The following RFX4 variants were observed in gnomAD, a reference collection of about 807,000 sequenced individuals.
The protein encoded by RFX4 is regulatory factor X4.
Under a neutral mutation model 95.0 loss-of-function variants are expected in RFX4, and 10 were observed. The observed-to-expected ratio is 0.11, with a 90% confidence interval of 0.06 to 0.18. RFX4 has a LOEUF of 0.18. Ranked by LOEUF, RFX4 falls within the 10% of genes least tolerant of loss-of-function variation. The pLI, the probability that RFX4 is intolerant of heterozygous loss-of-function variation, is 1.00. For missense variants in RFX4, 640 were observed against 922.0 expected, an observed-to-expected ratio of 0.69 and a Z score of 3.96; for synonymous variants, 321 against 340.7, an observed-to-expected ratio of 0.94 and a Z score of 0.64.
chr12:106,673,260 T>C (rs759919990), intron 4 of RFX4, among the ~76,000 whole-genome samples: 1 of 152,206 alleles, frequency 6.6e-6, no homozygotes, highest in Non-Finnish European at 1.5e-5. Flanking sequence ...GGAGTGTTAA[T>C]AGATATGGAC....
chr12:106,678,275 C>T (rs2041436486), intron 4 of RFX4, among the ~76,000 whole-genome samples: 2 of 152,186 alleles, frequency 1.3e-5, no homozygotes, highest in Admixed American at 1.3e-4. Context: ...TCACCTAGGG[C>T]CAGGCATCAA....
At chr12:106,598,151 A>C (rs1431816846) in intron 1 of RFX4, among the ~76,000 whole-genome samples, 1 of 152,230 alleles carries the variant, frequency 6.6e-6, no homozygotes, top group African/African-American at 2.4e-5. Context: ...CCTAGAATTC[A>C]GAAAATTCAT....
chr12:106,723,458 T>C (rs1402716627), intron 13 of RFX4, among the ~76,000 whole-genome samples: 1 of 152,256 alleles, frequency 6.6e-6, no homozygotes, highest in Non-Finnish European at 1.5e-5. Flanking sequence ...CTCACTGTTA[T>C]GAACATCTGG....
At chr12:106,674,842 T>C (rs1025829878) in intron 4 of RFX4, among the ~76,000 whole-genome samples, 36 of 152,364 alleles carry the variant, frequency 2.4e-4, no homozygotes, top group African/African-American at 8.4e-4. Context: ...AGTGGATATC[T>C]GCTGGTGAAT....
chr12:106,587,121 C>A (rs569070919), intron 1 of RFX4, among the ~76,000 whole-genome samples: 2 of 152,348 alleles, frequency 1.3e-5, no homozygotes, highest in East Asian at 3.9e-4. Context: ...CCCTTGATGG[C>A]GCGGAGGCTG....
At chr12:106,697,464 T>C (rs2041903481) in intron 8 of RFX4, among the ~76,000 whole-genome samples, 1 of 147,618 alleles carries the variant, frequency 6.8e-6, no homozygotes, top group Admixed American at 6.8e-5. Context: ...TTTTTTAACA[T>C]GGTGAAGTGC....
rs1592950804 is a variant in RFX4 at position 106,696,363 on chromosome 12, C to T, written c.750C>T (p.Asn250=). The T allele has an allele frequency of 6.2e-7, 1 of 1,614,160 alleles. No individual in the cohort carries two copies. The highest frequency in any genetic ancestry group is 1.3e-5 in the African/African-American group (1 of 75,046). The stretch of plus-strand genomic sequence containing the variant: ...TGCTGGGCTCCTCCACGGTGGTGAA[C>T]ATTGTCGGCGTGTGTGACTCCATCC... ...LPVLGSSTVV[N]IVGVCDSILY... is the part of the protein sequence containing the mutation. The change falls in exon 8 of 18, where the codon AAC becomes AAT. Residue 250 remains asparagine (N), a synonymous_variant. Coordinates refer to ENST00000392842, the MANE Select transcript of RFX4 (RefSeq NM_213594.3).
At chr12:106,721,486 TAA>T (rs1375201506) in intron 13 of RFX4, among the ~76,000 whole-genome samples, 1 of 152,194 alleles carries the variant, frequency 6.6e-6, no homozygotes, top group Admixed American at 6.5e-5. Context: ...AAGGTACTGA[TAA>T]CAGTCTCTGC....
chr12:106,644,386 G>A (rs1014871344), intron 3 of RFX4, among the ~76,000 whole-genome samples: 5 of 151,830 alleles, frequency 3.3e-5, no homozygotes, highest in East Asian at 1.9e-4. Flanking sequence ...GGCGCGCACC[G>A]CCACATCCAG....
intron 9 of RFX4, among the ~76,000 whole-genome samples, chr12:106,711,242 AT>A (rs1417723228): frequency 6.6e-6 from 1 of 152,146 alleles, no homozygotes; most frequent in East Asian, 1.9e-4. Context: ...TGTACCCCAA[AT>A]GTCACCATTA....
At chr12:106,752,096 T>C (rs1223593154) in intron 17 of RFX4, among the ~76,000 whole-genome samples, 3 of 151,038 alleles carry the variant, frequency 2.0e-5, no homozygotes, top group African/African-American at 7.3e-5. Context: ...CTTTAATCCA[T>C]CTTGAATTGA....
intron 8 of RFX4, among the ~76,000 whole-genome samples, chr12:106,700,444 T>G (rs2041965376): frequency 1.4e-5 from 2 of 146,568 alleles, no homozygotes; most frequent in African/African-American, 2.5e-5. Context: ...TCTCGCTCTG[T>G]CGCCCAGGCT....
intron 17 of RFX4, among the ~76,000 whole-genome samples, chr12:106,753,424 T>C (rs1191257540): frequency 6.6e-6 from 1 of 152,042 alleles, no homozygotes; most frequent in African/African-American, 2.4e-5. Context: ...ACTCCCTGGG[T>C]TTCCTCTCTC....
intron 17 of RFX4, among the ~76,000 whole-genome samples, chr12:106,759,508 G>C (rs1231078272): frequency 1.3e-5 from 2 of 152,134 alleles, no homozygotes; most frequent in East Asian, 1.9e-4. Context: ...TTTTGGGACA[G>C]GGCCCAATCT....
rs1011697361 is a variant in RFX4 at position 106,586,101 on chromosome 12, C to G, written c.43+2738C>G. ...GCCCTAGGCGCTCTCGCTGCCGAGCCCGACAAAGCAAAGCCCCTCTCGGAG... is the reference window on the plus strand; with the variant it reads ...GCCCTAGGCGCTCTCGCTGCCGAGCGCGACAAAGCAAAGCCCCTCTCGGAG... On this transcript the variant is annotated intron_variant, in intron 1 of 17. Coordinates refer to ENST00000392842, the MANE Select transcript of RFX4 (RefSeq NM_213594.3). This position sits in a 1 kb window ranked among gnomAD's most constrained non-coding sequence, Gnocchi z 5.6. The G allele has an allele frequency of 2.0e-5, 3 of 152,206 alleles. No homozygotes were observed. The highest frequency in any genetic ancestry group is 7.2e-5 in the African/African-American group (3 of 41,458). The allele number at this position is 152,206 out of a possible 1,614,324, so 9.4% of individuals were successfully genotyped here. A position where few individuals can be genotyped will look rare whatever the true frequency, so the allele number is the denominator to read the frequency against.
intron 1 of RFX4, among the ~76,000 whole-genome samples, chr12:106,603,585 G>A (rs980281269): frequency 3.9e-5 from 6 of 152,228 alleles, no homozygotes; most frequent in African/African-American, 1.2e-4. Flanking sequence ...GGCAAATCCC[G>A]TTGGGCACTT....
chr12:106,733,303 A>T (rs2042648634), intron 15 of RFX4: 1 of 451,344 alleles, frequency 2.2e-6, no homozygotes, highest in South Asian at 4.6e-5. Context: ...TTAGTGATAC[A>T]GTGAGACCTT....
chr12:106,686,759 T>C (rs922454744), intron 5 of RFX4, 125 bp from the exon 6 acceptor site: 8 of 788,532 alleles, frequency 1.0e-5, no homozygotes, highest in Non-Finnish European at 1.7e-5. Flanking sequence ...CCAGGTAGGA[T>C]GGCCCCAGCT....
intron 2 of RFX4, among the ~76,000 whole-genome samples, chr12:106,617,541 C>A (rs895758302): frequency 6.6e-6 from 1 of 152,094 alleles, no homozygotes; most frequent in Admixed American, 6.6e-5. Context: ...TCATAGATTT[C>A]CTAATTGTCT....
Sources: allele counts gnomAD v4.1 joint callset (sites outside exome capture counted in the v4.1 genomes callset), GRCh38; gene constraint gnomAD v4.1.1; non-coding constraint Gnocchi (gnomAD v3.1); transcripts MANE v1.5; gene names NCBI Gene and HGNC (gene_info 2026-07-23, HGNC 2026-07-21).